PTK2: variants seen among roughly 807,000 people sequenced by gnomAD.
PTK2 encodes the protein focal adhesion kinase 1.
Under a neutral mutation model 150.1 loss-of-function variants are expected in PTK2, and 45 were observed. That is an observed-to-expected ratio of 0.30 (90% CI 0.24 to 0.38). The LOEUF (loss-of-function observed/expected upper bound fraction) is 0.38. Among genes scored for constraint, PTK2 ranks in the 10% least tolerant of loss-of-function variants. The pLI is 1.00. For synonymous variants in PTK2, 432 were observed against 449.2 expected, an observed-to-expected ratio of 0.96 and a Z score of 0.48; for missense variants, 919 against 1,307.3, an observed-to-expected ratio of 0.70 and a Z score of 4.58.
chr8:140,827,876 A>T (rs2100112789), intron 8 of PTK2, among the ~76,000 whole-genome samples: 1 of 152,154 alleles, frequency 6.6e-6, no homozygotes, highest in Admixed American at 6.5e-5. Flanking sequence ...CTACATAATT[A>T]AAAATTGAGG....
At chr8:140,830,446 A>G (rs1168931346) in intron 8 of PTK2, 26 bp downstream of exon 8, 1 of 1,453,704 alleles carries the variant, frequency 6.9e-7, no homozygotes, top group Non-Finnish European at 9.3e-7. Context: ...TTGTTATTTT[A>G]TTATGATAAA....
At chr8:140,682,634 TAA>T (rs398068343) in intron 27 of PTK2, among the ~76,000 whole-genome samples, 3 of 125,600 alleles carry the variant, frequency 2.4e-5, no homozygotes, top group Non-Finnish European at 3.5e-5. Context: ...TATAGCTAAT[TAA>T]AAAAAAAAAA....
intron 12 of PTK2, among the ~76,000 whole-genome samples, chr8:140,797,416 ATGTAAT>A (rs951853005): frequency 1.3e-5 from 2 of 152,172 alleles, no homozygotes; most frequent in Admixed American, 1.3e-4. Flanking sequence ...CGTTTTAATT[ATGTAAT>A]TGTGTCGCTT....
intron 23 of PTK2, among the ~76,000 whole-genome samples, chr8:140,715,209 A>G (rs1171812785): frequency 4.6e-5 from 4 of 87,904 alleles, no homozygotes; most frequent in African/African-American, 1.8e-4. Context: ...GTCTCACTTT[A>G]TCGCCCAAAC....
chr8:140,989,413 A>C (rs1187358081), intron 1 of PTK2, among the ~76,000 whole-genome samples: 1 of 151,624 alleles, frequency 6.6e-6, no homozygotes, highest in Non-Finnish European at 1.5e-5. Context: ...AACAAACAAA[A>C]AAACTACTGA....
At chr8:140,942,114 A>T (rs778923048) in intron 1 of PTK2, among the ~76,000 whole-genome samples, 1 of 147,784 alleles carries the variant, frequency 6.8e-6, no homozygotes, top group Non-Finnish European at 1.5e-5. Context: ...CCTGGGCTCA[A>T]GCGATCCTCC....
intron 26 of PTK2, among the ~76,000 whole-genome samples, chr8:140,699,514 TG>T (rs1286673538): frequency 6.6e-6 from 1 of 152,188 alleles, no homozygotes; most frequent in Non-Finnish European, 1.5e-5. Context: ...AAGGGTTGCC[TG>T]AAAGAAGACA....
intron 8 of PTK2, among the ~76,000 whole-genome samples, chr8:140,827,134 ACT>A (rs2100112250): frequency 6.6e-6 from 1 of 151,818 alleles, no homozygotes; most frequent in Non-Finnish European, 1.5e-5. Flanking sequence ...CACACTCTGC[ACT>A]CTCTGCATAC....
intron 3 of PTK2, among the ~76,000 whole-genome samples, chr8:140,884,552 C>G (rs112731009): frequency 5.9e-5 from 9 of 152,174 alleles, no homozygotes; most frequent in South Asian, 2.1e-4. Context: ...ACTTCTAACA[C>G]ACACAAAGTG....
intron 29 of PTK2, 116 bp downstream of exon 32, chr8:140,674,182 T>A (rs1263084385): frequency 1.9e-6 from 2 of 1,047,534 alleles, no homozygotes; most frequent in Admixed American, 1.7e-5. Flanking sequence ...AGTTCCACTC[T>A]GCACTGTTCT....
chr8:140,853,196 T>TG (rs57310088), intron 5 of PTK2, among the ~76,000 whole-genome samples: 2 of 151,416 alleles, frequency 1.3e-5, no homozygotes. Flanking sequence ...TCACACTCTT[T>TG]TTTTTTTTTA....
In PTK2 at chr8:140,707,306, G is replaced by T. The variant is rs192259567; in HGVS notation, c.2143-1101C>A. Among the ~76,000 whole-genome samples the T allele has an allele frequency of 2.0e-5, 3 of 152,256 alleles. No homozygotes were observed. The East Asian group carries it at 5.8e-4, about 29-fold the overall frequency. ...TAATCCCAGCACTTTGGGAGGCCGAGGTGGATCACACGGTGAGACCCCGTC... is the reference window on the plus strand; with the variant it reads ...TAATCCCAGCACTTTGGGAGGCCGATGTGGATCACACGGTGAGACCCCGTC... On this transcript the variant is annotated intron_variant, in intron 23 of 31. Transcript: ENST00000522684.
chr8:140,688,715 GCT>G (rs1046504464), intron 26 of PTK2, among the ~76,000 whole-genome samples: 1 of 152,132 alleles, frequency 6.6e-6, no homozygotes, highest in Non-Finnish European at 1.5e-5. Flanking sequence ...GCAAGACTCT[GCT>G]CTGTTAGAAC....
At chr8:140,910,056 T>A (rs1033186121) in intron 2 of PTK2, among the ~76,000 whole-genome samples, 8 of 152,204 alleles carry the variant, frequency 5.3e-5, no homozygotes, top group Non-Finnish European at 1.2e-4. Flanking sequence ...AACTCCATTA[T>A]GAAGTTACAT....
At chr8:140,978,936 A>G (rs1224693743) in intron 1 of PTK2, among the ~76,000 whole-genome samples, 1 of 152,054 alleles carries the variant, frequency 6.6e-6, no homozygotes, top group Non-Finnish European at 1.5e-5. Context: ...GCCATAAAAA[A>G]GGATGAGTTC....
At chr8:140,997,308 T>C (rs1166161106) in intron 1 of PTK2, among the ~76,000 whole-genome samples, 1 of 152,216 alleles carries the variant, frequency 6.6e-6, no homozygotes, top group African/African-American at 2.4e-5. Context: ...GTGAACATTG[T>C]TGAAATGACA....
intron 1 of PTK2, among the ~76,000 whole-genome samples, chr8:140,970,190 T>C (rs2100186749): frequency 6.6e-6 from 1 of 152,256 alleles, no homozygotes; most frequent in Admixed American, 6.5e-5. Context: ...TGTGAACAGC[T>C]GCTTCCTGGA....
At chr8:140,679,637 C>T (rs948035900) in intron 27 of PTK2, among the ~76,000 whole-genome samples, 2 of 152,184 alleles carry the variant, frequency 1.3e-5, no homozygotes, top group Non-Finnish European at 2.9e-5. Context: ...AGGCTAATAA[C>T]ACTTACCTAA....
Position 140,695,295 on chromosome 8 carries a change from TC to T in PTK2, c.2499+5595del, listed in dbSNP as rs2100025840. ...CTCTGCTCCTTCCCACTTTGCCTCT[TC>T]CAGCTTAGACCCTGCTGTCATTTAT... On this transcript the variant is annotated intron_variant, in intron 26 of 31. Coordinates refer to ENST00000522684, the Ensembl canonical transcript of PTK2. Among the ~76,000 whole-genome samples the T allele has an allele frequency of 2.6e-5, 4 of 152,294 alleles. No individual in the cohort carries two copies. In the East Asian group the frequency reaches 5.8e-4, roughly 22 times the overall value.
Sources: gnomAD v4.1 joint callset for allele counts (sites outside exome capture counted in the v4.1 genomes callset) on GRCh38, gnomAD v4.1.1 for gene constraint, MANE v1.5 for transcripts, NCBI Gene and HGNC (gene_info 2026-07-23, HGNC 2026-07-21) for gene names.